The following PCDH15 variants were observed in gnomAD, a reference collection of about 807,000 sequenced individuals.
PCDH15 encodes protocadherin related 15.
A neutral mutation model predicts 178.5 loss-of-function variants in PCDH15; 129 were observed. The observed-to-expected ratio is 0.72, with a 90% CI of 0.63 to 0.84. The LOEUF (loss-of-function observed/expected upper bound fraction) is 0.84. PCDH15 is among the 40% of genes least tolerant of loss of function. PCDH15 has a pLI of 0.00. For synonymous variants in PCDH15, 800 were observed against 732.0 expected, an observed-to-expected ratio of 1.09 and a Z score of -1.50; for missense variants, 2,230 against 2,099.9, an observed-to-expected ratio of 1.06 and a Z score of -1.21.
At chr10:54,959,073 C>T (rs1396178078) in intron 2 of PCDH15, among the ~76,000 whole-genome samples, 1 of 151,316 alleles carries the variant, frequency 6.6e-6, no homozygotes, top group African/African-American at 2.4e-5. Flanking sequence ...GTATGAGTCA[C>T]TGGGTAAATG....
At chr10:53,843,315 CTA>C (rs1395305286) in intron 28 of PCDH15, among the ~76,000 whole-genome samples, 1 of 152,028 alleles carries the variant, frequency 6.6e-6, no homozygotes, top group East Asian at 1.9e-4. Context: ...TCATAAAAAT[CTA>C]TCTTTTCATT....
At position 54,752,485 on chromosome 10, in the gene PCDH15, A is replaced by AC. The variant is rs1239266307; in HGVS notation, c.-29+48439_-29+48440insG. ...GAACGAGACTCCGTCTCAAAAAAAA[A>AC]AAAAAACAAAAAACAAAAAACAAAA... On this transcript the variant is annotated intron_variant, in intron 1 of 37. Transcript: ENST00000644397. Among the ~76,000 whole-genome samples the AC allele has an allele frequency of 1.3e-4, 11 of 82,136 alleles. 1 individual carries two copies. The highest frequency in any genetic ancestry group is 4.0e-4 in the African/African-American group (10 of 25,000). 53.9% of individuals were successfully genotyped at this position (82,136 alleles called of 152,430 possible). A position where few individuals can be genotyped will look rare whatever the true frequency, so the allele number is the denominator to read the frequency against.
intron 1 of PCDH15, among the ~76,000 whole-genome samples, chr10:55,229,231 T>A (rs1167184938): frequency 6.6e-6 from 1 of 151,732 alleles, no homozygotes; most frequent in African/African-American, 2.4e-5. Context: ...TAATAAAATG[T>A]AAGGTATTAT....
At chr10:54,916,344 TA>T (rs1954900850) in intron 2 of PCDH15, among the ~76,000 whole-genome samples, 1 of 152,186 alleles carries the variant, frequency 6.6e-6, no homozygotes, top group African/African-American at 2.4e-5. Context: ...GTTTTGACAC[TA>T]TCAGCTTTCT....
chr10:54,424,550 A>C (rs1378522506), intron 3 of PCDH15, among the ~76,000 whole-genome samples: 1 of 150,082 alleles, frequency 6.7e-6, no homozygotes, highest in African/African-American at 2.5e-5. Context: ...CTATAAAGAC[A>C]CATGCACACA....
intron 16 of PCDH15, among the ~76,000 whole-genome samples, chr10:54,081,074 T>C (rs2094430916): frequency 6.6e-6 from 1 of 152,144 alleles, no homozygotes; most frequent in Non-Finnish European, 1.5e-5. Flanking sequence ...AAGTATATTG[T>C]ATATTTACGA....
At chr10:55,212,134 T>C (rs191627338) in intron 1 of PCDH15, among the ~76,000 whole-genome samples, 18 of 152,172 alleles carry the variant, frequency 1.2e-4, no homozygotes, top group Middle Eastern at 3.4e-3. Flanking sequence ...ATGGGCAACA[T>C]GGTGCAGCTC....
chr10:55,190,084 G>A (rs1839902779), intron 1 of PCDH15, among the ~76,000 whole-genome samples: 1 of 151,710 alleles, frequency 6.6e-6, no homozygotes, highest in Non-Finnish European at 1.5e-5. Context: ...AAGAGCTACA[G>A]ATACACAAAG....
At chr10:55,210,596 AT>A (rs1020312113) in intron 1 of PCDH15, among the ~76,000 whole-genome samples, 13 of 47,958 alleles carry the variant, frequency 2.7e-4, no homozygotes, top group South Asian at 1.2e-3. Context: ...GGCTCTCACG[AT>A]TTTTTTTTCT....
intron 2 of PCDH15, among the ~76,000 whole-genome samples, chr10:54,585,375 G>C (rs4582875): frequency 0.92 from 140,124 of 151,950 alleles, 65,028 homozygotes; most frequent in Middle Eastern, 0.98. Context: ...TAAAACTTCG[G>C]CTTTATTAAG....
At chr10:55,130,680 CGT>C (rs72055158) in intron 2 of PCDH15, among the ~76,000 whole-genome samples, 4,231 of 146,240 alleles carry the variant, frequency 0.029, 150 homozygotes, top group East Asian at 0.15. Flanking sequence ...CACACATACA[CGT>C]GTGTGTGTGT....
At chr10:55,603,475 T>C (rs1170758341) in intron 2 of PCDH15, among the ~76,000 whole-genome samples, 2 of 151,416 alleles carry the variant, frequency 1.3e-5, no homozygotes, top group Non-Finnish European at 2.9e-5. Context: ...AAGGAAAAAA[T>C]GTTAAGGGCA....
In PCDH15 at chr10:55,558,233, C is replaced by T. The variant is rs539531191; in HGVS notation, c.-156+69392G>A. Among the ~76,000 whole-genome samples, 143 of 152,230 alleles carry T rather than the reference C, an allele frequency of 9.4e-4. 1 individual carries two copies. The highest frequency in any genetic ancestry group is 2.3e-3 in the South Asian group (11 of 4,830). On this transcript the variant is annotated intron_variant, in intron 2 of 5. Transcript: ENST00000613346. ...ATATTCTGACAGCCACAGAAACAAA[C>T]GCTGGACACCTCACTTGGCACTATA...
intron 2 of PCDH15, among the ~76,000 whole-genome samples, chr10:54,603,749 T>TGCTAATTGG (rs1268230900): frequency 6.6e-6 from 1 of 151,966 alleles, no homozygotes; most frequent in Non-Finnish European, 1.5e-5. Flanking sequence ...TGGATTAGCA[T>TGCTAATTGG]TTAAGACAGA....
chr10:53,874,185 A>G (rs1589192849), intron 26 of PCDH15, among the ~76,000 whole-genome samples: 1 of 152,066 alleles, frequency 6.6e-6, no homozygotes, highest in Non-Finnish European at 1.5e-5. Context: ...TCTGGTTTTC[A>G]GTAGCTCAGA....
chr10:55,242,173 A>T (rs1380801199), intron 1 of PCDH15, among the ~76,000 whole-genome samples: 1 of 152,208 alleles, frequency 6.6e-6, no homozygotes, highest in African/African-American at 2.4e-5. Flanking sequence ...ATTTCTTCTT[A>T]GTTTCCAACC....
intron 2 of PCDH15, among the ~76,000 whole-genome samples, chr10:55,449,733 G>T (rs1021951038): frequency 1.3e-5 from 2 of 152,152 alleles, no homozygotes; most frequent in African/African-American, 4.8e-5. Flanking sequence ...CTTCTTTGAT[G>T]GCAACATTTC....
At chr10:54,472,287 CAA>C (rs201074584) in intron 3 of PCDH15, among the ~76,000 whole-genome samples, 69 of 120,288 alleles carry the variant, frequency 5.7e-4, no homozygotes, top group Admixed American at 9.6e-4. Context: ...AAATGTTATG[CAA>C]AAAAAAAAAA....
intron 26 of PCDH15, among the ~76,000 whole-genome samples, chr10:53,890,202 C>T (rs1295261555): frequency 3.3e-5 from 5 of 152,122 alleles, no homozygotes; most frequent in Admixed American, 6.5e-5. Context: ...CCGATGCAGG[C>T]GGATCACAAG....
Sources: allele counts gnomAD v4.1 joint callset (sites outside exome capture counted in the v4.1 genomes callset), GRCh38; gene constraint gnomAD v4.1.1; transcripts MANE v1.5; gene names NCBI Gene and HGNC (gene_info 2026-07-23, HGNC 2026-07-21).